The following TMTC4 variants were observed in gnomAD, a reference collection of about 807,000 sequenced individuals.
TMTC4 encodes transmembrane O-mannosyltransferase targeting cadherins 4, also known as protein O-mannosyl-transferase TMTC4.
A neutral mutation model predicts 86.0 loss-of-function variants in TMTC4; 65 were observed. The observed-to-expected ratio is 0.76, with a 90% CI of 0.62 to 0.93. The LOEUF is 0.93. TMTC4 is among the 40% of genes least tolerant of loss of function. The pLI, the probability that TMTC4 is intolerant of heterozygous loss-of-function variation, is 0.00. For missense variants in TMTC4, 866 were observed against 948.1 expected, an observed-to-expected ratio of 0.91 and a Z score of 1.14; for synonymous variants, 379 against 382.5, an observed-to-expected ratio of 0.99 and a Z score of 0.11.
chr13:100,642,295 C>A lies in TMTC4; in HGVS notation c.657G>T (p.Ala219=). The change falls in exon 7 of 19, where the codon GCG becomes GCT. Residue 219 remains alanine, a synonymous_variant. Coordinates refer to ENST00000342624, the MANE Select transcript of TMTC4 (RefSeq NM_032813.5). ...GCAGCACCCAGAAGGTGGAAGAATG[C>A]GCTCCCTCCTTGTTACCTGCCAATT... ...KAFRESNKEG[A]HSSTFWVLLS... is the part of the protein sequence containing the mutation. 1 of 1,614,176 alleles carries A rather than the reference C, an allele frequency of 6.2e-7. No homozygotes were observed. The highest frequency in any genetic ancestry group is 1.1e-5 in the South Asian group (1 of 91,074).
At chr13:100,673,266 C>G in intron 1 of TMTC4, 2 of 977,594 alleles carry the variant, frequency 2.0e-6, no homozygotes, top group South Asian at 9.5e-5. Context: ...CCAATGACAG[C>G]TGACACGGCA....
chr13:100,625,458 G>A (rs1880328471), intron 15 of TMTC4, 77 bp downstream of exon 15: 5 of 1,569,292 alleles, frequency 3.2e-6, no homozygotes, highest in Admixed American at 3.3e-5. Context: ...CTAGGTGGGT[G>A]TCACTATGTC....
At chr13:100,640,976 G>C (rs141841116) in intron 7 of TMTC4, among the ~76,000 whole-genome samples, 317 of 152,104 alleles carry the variant, frequency 2.1e-3, no homozygotes, top group African/African-American at 7.0e-3. Context: ...TCCTTTCCTG[G>C]GTCTTTAATC....
chr13:100,619,068 C>T (rs1024108241), intron 15 of TMTC4, among the ~76,000 whole-genome samples: 144 of 143,640 alleles, frequency 1.0e-3, no homozygotes, highest in South Asian at 1.1e-3. Flanking sequence ...TAGGGGCGGC[C>T]GGGCAGAGGC....
chr13:100,611,932 G>T (rs151030072), intron 17 of TMTC4, among the ~76,000 whole-genome samples: 279 of 152,318 alleles, frequency 1.8e-3, no homozygotes, highest in African/African-American at 6.4e-3. Context: ...CCATGGGCTG[G>T]TTATTCTTTT....
intron 6 of TMTC4, among the ~76,000 whole-genome samples, chr13:100,646,830 A>C (rs545510258): frequency 1.2e-4 from 18 of 152,354 alleles, no homozygotes; most frequent in African/African-American, 4.3e-4. Flanking sequence ...ACCCTGTTAA[A>C]TTACACATAA....
Position 100,611,680 on chromosome 13 carries a change from C to A in TMTC4, c.2064+718G>T, listed in dbSNP as rs1283250493. ...CAATCCCTTCTGGGGAGAATCTGGG[C>A]ATCTCTACTTTAACAAGCTTCCTCA... is the stretch of plus-strand genomic sequence containing the variant. On this transcript the variant is annotated intron_variant, in intron 17 of 18. Transcript: ENST00000342624. 3.9e-5 allele frequency among the ~76,000 whole-genome samples: 6 copies of A among 152,206 alleles called. No individual in the cohort carries two copies. The East Asian group carries it at 9.6e-4, about 24-fold the overall frequency.
intron 1 of TMTC4, among the ~76,000 whole-genome samples, chr13:100,671,487 A>C (rs1367238996): frequency 6.6e-6 from 1 of 152,166 alleles, no homozygotes; most frequent in East Asian, 1.9e-4. Flanking sequence ...GTTCCAAGCC[A>C]CAGCCCCAGG....
chr13:100,625,729 C>A, intron 14 of TMTC4, 53 bp from the exon 15 acceptor site: 1 of 1,609,002 alleles, frequency 6.2e-7, no homozygotes, highest in Admixed American at 1.7e-5. Context: ...GCTTAGATGC[C>A]GGAATGCAGG....
Position 100,670,453 on chromosome 13 carries a change from G to C in TMTC4, c.-91C>G. The C allele has an allele frequency of 1.4e-6, 2 of 1,422,018 alleles. No homozygotes were observed. Among genetic ancestry groups the C allele is most frequent in the Non-Finnish European group, 1.9e-6 (2 of 1,041,588 alleles). 88.1% of individuals were successfully genotyped at this position (1,422,018 alleles called of 1,614,324 possible). On this transcript the variant is annotated 5_prime_UTR_variant, in exon 2 of 19. Transcript: ENST00000342624. ...ACAGGCCGCAACTCTTCCACTGCTT[G>C]TCTCTCGAGCCTCACAGCCTGGCAT...
At chr13:100,665,221 T>C (rs1566644021) in intron 3 of TMTC4, among the ~76,000 whole-genome samples, 1 of 152,184 alleles carries the variant, frequency 6.6e-6, no homozygotes, top group Non-Finnish European at 1.5e-5. Context: ...TGGCTTAAAT[T>C]GTGTCTAATG....
At chr13:100,655,772 C>T (rs1885030665) in intron 6 of TMTC4, among the ~76,000 whole-genome samples, 1 of 134,150 alleles carries the variant, frequency 7.5e-6, no homozygotes, top group Admixed American at 7.8e-5. Flanking sequence ...TGGTTTTATC[C>T]AGGCTTGATA....
intron 6 of TMTC4, among the ~76,000 whole-genome samples, chr13:100,649,553 CAATA>C (rs1297481595): frequency 1.3e-5 from 2 of 152,066 alleles, no homozygotes; most frequent in African/African-American, 4.8e-5. Flanking sequence ...TCTGTTGAAT[CAATA>C]AATAGTTTCA....
chr13:100,656,990 A>T (rs1201098584), intron 5 of TMTC4, among the ~76,000 whole-genome samples: 1 of 152,174 alleles, frequency 6.6e-6, no homozygotes. Flanking sequence ...GACTTGACTT[A>T]ACTGCTTCAA....
intron 15 of TMTC4, among the ~76,000 whole-genome samples, chr13:100,623,650 T>TTG (rs1301479334): frequency 6.8e-6 from 1 of 146,980 alleles, no homozygotes; most frequent in Non-Finnish European, 1.5e-5. Flanking sequence ...GTTTTGTTTT[T>TTG]TTTTTTTTTT....
intron 5 of TMTC4, among the ~76,000 whole-genome samples, chr13:100,657,994 C>A (rs1048034044): frequency 2.6e-5 from 4 of 152,098 alleles, no homozygotes; most frequent in Admixed American, 2.6e-4. Flanking sequence ...CACACACACA[C>A]AAACACTACC....
intron 7 of TMTC4, among the ~76,000 whole-genome samples, chr13:100,641,546 G>T (rs1303131085): frequency 2.0e-5 from 3 of 151,864 alleles, no homozygotes; most frequent in East Asian, 3.9e-4. Flanking sequence ...AGAGTGCAAT[G>T]GTGCAATCTC....
intron 15 of TMTC4, among the ~76,000 whole-genome samples, chr13:100,619,461 ACT>A (rs1228746041): frequency 2.6e-5 from 4 of 151,740 alleles, no homozygotes; most frequent in African/African-American, 9.7e-5. Context: ...GATCCCTTTA[ACT>A]CTGCAAAAAG....
intron 3 of TMTC4, among the ~76,000 whole-genome samples, chr13:100,665,633 A>C (rs1181756175): frequency 6.6e-6 from 1 of 152,190 alleles, no homozygotes; most frequent in Admixed American, 6.5e-5. Context: ...CCAGCTCCCT[A>C]ATCAAATCAT....
Sources: gnomAD v4.1 joint callset for allele counts (sites outside exome capture counted in the v4.1 genomes callset) on GRCh38, gnomAD v4.1.1 for gene constraint, MANE v1.5 for transcripts, NCBI Gene and HGNC (gene_info 2026-07-23, HGNC 2026-07-21) for gene names.